Variants in UBP1 observed in about 807,000 individuals in gnomAD.
The protein encoded by UBP1 is upstream binding protein 1.
UBP1 carries 22 observed loss-of-function variants against 76.1 expected under a neutral mutation model. That is an observed-to-expected ratio of 0.29 (90% CI 0.21 to 0.41). The LOEUF is 0.41. UBP1 is among the 10% of genes least tolerant of loss of function. The pLI, the probability that UBP1 is intolerant of heterozygous loss-of-function variation, is 1.00. For synonymous variants in UBP1, 224 were observed against 237.1 expected, an observed-to-expected ratio of 0.94 and a Z score of 0.51; for missense variants, 436 against 668.1, an observed-to-expected ratio of 0.65 and a Z score of 3.83.
intron 3 of UBP1, among the ~76,000 whole-genome samples, chr3:33,413,809 T>C (rs931469294): frequency 3.3e-5 from 5 of 152,108 alleles, no homozygotes; most frequent in African/African-American, 1.2e-4. Context: ...GTCCAAGCAA[T>C]TACCCAGCAC....
intron 12 of UBP1, chr3:33,396,837 A>G (rs1404994446): frequency 1.5e-6 from 1 of 681,310 alleles, no homozygotes; most frequent in African/African-American, 1.8e-5. Flanking sequence ...CTTACAGTCT[A>G]CCTCTGCCCT....
intron 2 of UBP1, among the ~76,000 whole-genome samples, chr3:33,418,039 TAAAC>T (rs2044775051): frequency 6.6e-6 from 1 of 152,180 alleles, no homozygotes; most frequent in African/African-American, 2.4e-5. Context: ...TTTAAAAAGT[TAAAC>T]TAAGACACAG....
intron 2 of UBP1, among the ~76,000 whole-genome samples, chr3:33,419,297 C>A (rs1269485997): frequency 6.6e-6 from 1 of 152,040 alleles, no homozygotes; most frequent in Non-Finnish European, 1.5e-5. Context: ...GAGTTCAAGA[C>A]CAGCCTGACC....
Position 33,439,980 on chromosome 3 carries a change from C to A in UBP1, c.-132G>T. The A allele has an allele frequency of 6.6e-6, 6 of 915,032 alleles. No homozygotes were observed. The South Asian group carries it at 1.1e-4, about 16-fold the overall frequency. The allele number at this position is 915,032 out of a possible 1,614,324, so 56.7% of individuals were successfully genotyped here. ...AGGGGCGGCGAGTGGTCACCAGCGG[C>A]GGCCGGGACGAGAGCTGCGGGGGCC... is the stretch of plus-strand genomic sequence containing the variant. On this transcript the variant is annotated 5_prime_UTR_variant, in exon 1 of 16. Transcript: ENST00000283629.
At chr3:33,430,631 A>C (rs2045096953) in intron 1 of UBP1, among the ~76,000 whole-genome samples, 1 of 152,220 alleles carries the variant, frequency 6.6e-6, no homozygotes, top group South Asian at 2.1e-4. Context: ...CCTGAAAACT[A>C]CATATAGAAG....
chr3:33,439,947 G>A lies in UBP1; in HGVS notation c.-99C>T, dbSNP rs560795905. On this transcript the variant is annotated 5_prime_UTR_variant, in exon 1 of 16. Transcript: ENST00000283629. ...CGTCCTGGGGGAGGGCGCGGGTGAA[G>A]CCTCCGGAGGGGCGGCGAGTGGTCA... is the stretch of plus-strand genomic sequence containing the variant. 3.4e-4 allele frequency: 453 copies of A among 1,326,174 alleles called. 8 individuals carry two copies. The South Asian group carries it at 5.6e-3, about 16-fold the overall frequency. The allele number at this position is 1,326,174 out of a possible 1,614,324, so 82.2% of individuals were successfully genotyped here.
At chr3:33,397,218 A>C (rs1399471639) in intron 11 of UBP1, 83 bp from the exon 12 acceptor site, 1 of 1,000,902 alleles carries the variant, frequency 1.0e-6, no homozygotes, top group Non-Finnish European at 1.5e-6. Context: ...CATGCAGTCC[A>C]ATGTCCTTCA....
chr3:33,394,827 T>G (rs2043910486), intron 13 of UBP1, among the ~76,000 whole-genome samples: 1 of 151,604 alleles, frequency 6.6e-6, no homozygotes, highest in Admixed American at 6.6e-5. Flanking sequence ...GTTTTTTTTT[T>G]TTTTTTTTTT....
At chr3:33,399,190 C>T (rs2044125927) in intron 11 of UBP1, among the ~76,000 whole-genome samples, 2 of 152,328 alleles carry the variant, frequency 1.3e-5, no homozygotes, top group Admixed American at 1.3e-4. Flanking sequence ...TACTGTGATC[C>T]AGCACTTCTC....
chr3:33,416,931 A>C (rs2044743456), intron 2 of UBP1, 97 bp from the exon 3 acceptor site: 1 of 1,023,734 alleles, frequency 9.8e-7, no homozygotes. Context: ...CATACATTAC[A>C]CAATGATAGT....
chr3:33,393,346 C>A lies in UBP1; in HGVS notation c.1499G>T (p.Gly500Val), dbSNP rs371549719. 9.6e-5 allele frequency: 154 copies of A among 1,611,132 alleles called. No individual in the cohort carries two copies. The highest frequency in any genetic ancestry group is 1.2e-4 in the Non-Finnish European group (147 of 1,178,850). ...AACAAGAATGTGAATACCGGTGGGA[C>A]CCTGTCTGTAAACCTGATTAATTTG... Reference protein sequence around the residue: ...LHQINQVYRQGPTGIHILVSD... With the variant: ...LHQINQVYRQVPTGIHILVSD... The change falls in exon 14 of 16, where the codon GGT becomes GTT. Residue 500 changes from glycine (G) to valine (V), a missense_variant. Gly to Val is a moderately radical substitution (Grantham distance 109, BLOSUM62 -3). Around this residue, in one of 3 missense-constraint regions of UBP1, gnomAD observed 210 missense variants for 272.8 expected, o/e 0.77. Coordinates refer to ENST00000283629, the MANE Select transcript of UBP1 (RefSeq NM_014517.5).
intron 1 of UBP1, among the ~76,000 whole-genome samples, chr3:33,438,214 G>A (rs972039638): frequency 3.3e-5 from 5 of 152,104 alleles, no homozygotes; most frequent in Admixed American, 3.3e-4. Flanking sequence ...CAAAGTACAG[G>A]TCAAATAAAA....
At chr3:33,412,179 T>G (rs1480032260) in intron 4 of UBP1, among the ~76,000 whole-genome samples, 32 of 96,728 alleles carry the variant, frequency 3.3e-4, no homozygotes, top group Admixed American at 1.6e-3. Flanking sequence ...AGAGCGAAAC[T>G]CCGTCTCAAA....
intron 4 of UBP1, 151 bp downstream of exon 4, chr3:33,412,571 G>A (rs1262625125): frequency 2.1e-5 from 12 of 583,346 alleles, no homozygotes; most frequent in African/African-American, 1.3e-4. Context: ...GAGAGAGCAA[G>A]GCTCTGTCTC....
chr3:33,402,891 G>T lies in UBP1; in HGVS notation c.941C>A (p.Pro314His). 6.2e-7 allele frequency: 1 copy of T among 1,609,392 alleles called. No homozygotes were observed. The highest frequency in any genetic ancestry group is 8.5e-7 in the Non-Finnish European group (1 of 1,178,084). ...LAKRGSCSPW[P>H]DAPTAYVNNS... ...ATTCACATAGGCTGTGGGGGCATCG[G>T]GCCACGGAGAACACTAAGGACAGAA... The change falls in exon 9 of 16, where the codon CCC becomes CAC. Residue 314 changes from proline to histidine, a missense_variant. Pro to His is a moderately conservative substitution (Grantham distance 77). This residue lies in a region of UBP1 where 210 missense variants were observed against 272.8 expected (regional missense o/e 0.77). Transcript: ENST00000283629.
intron 3 of UBP1, among the ~76,000 whole-genome samples, chr3:33,414,853 A>G (rs530269769): frequency 6.6e-6 from 1 of 152,314 alleles, no homozygotes; most frequent in East Asian, 1.9e-4. Flanking sequence ...ATATTTAGAT[A>G]CTGATGCCTT....
upstream of UBP1, chr3:33,440,586 A>C (rs1047758143): frequency 6.6e-6 from 1 of 152,520 alleles, no homozygotes; most frequent in Non-Finnish European, 1.5e-5. Flanking sequence ...GCGTCCCCGC[A>C]CAGCAGCCCA....
At chr3:33,394,838 A>T (rs867028305) in intron 13 of UBP1, among the ~76,000 whole-genome samples, 16 of 102,374 alleles carry the variant, frequency 1.6e-4, no homozygotes, top group Admixed American at 2.3e-4. Flanking sequence ...TTTTTTTTTT[A>T]AATAAAGTTT....
At chr3:33,407,690 G>A (rs184090641) in intron 8 of UBP1, among the ~76,000 whole-genome samples, 146 of 152,284 alleles carry the variant, frequency 9.6e-4, no homozygotes, top group African/African-American at 3.2e-3. Context: ...AGTTTCTTGT[G>A]ATAGTGCTTG....
Sources: gnomAD v4.1 joint callset for allele counts (sites outside exome capture counted in the v4.1 genomes callset) on GRCh38, gnomAD v4.1.1 for gene constraint, gnomAD v4.1.1 regional missense constraint, MANE v1.5 for transcripts, NCBI Gene and HGNC (gene_info 2026-07-23, HGNC 2026-07-21) for gene names.